Variants in ROBO1 observed in about 807,000 individuals in gnomAD.
ROBO1 encodes the protein roundabout guidance receptor 1, also known as roundabout homolog 1.
A neutral mutation model predicts 195.9 loss-of-function variants in ROBO1; 149 were observed. The ratio of observed to expected loss-of-function variants is 0.76; its 90% CI spans 0.67 to 0.87. The LOEUF (loss-of-function observed/expected upper bound fraction) is 0.87. Among genes scored for constraint, ROBO1 ranks in the 40% least tolerant of loss-of-function variants. The pLI is 0.00. For synonymous variants in ROBO1, 816 were observed against 733.2 expected, an observed-to-expected ratio of 1.11 and a Z score of -1.82; for missense variants, 1,933 against 2,068.3, an observed-to-expected ratio of 0.93 and a Z score of 1.27.
At chr3:79,744,923 TA>T (rs996851521) in intron 1 of ROBO1, among the ~76,000 whole-genome samples, 28 of 151,996 alleles carry the variant, frequency 1.8e-4, no homozygotes, top group African/African-American at 6.5e-4. Context: ...AATATATATA[TA>T]AAAACATATA....
intron 25 of ROBO1, among the ~76,000 whole-genome samples, chr3:78,628,483 T>C (rs1384035230): frequency 6.6e-6 from 1 of 152,170 alleles, no homozygotes; most frequent in East Asian, 1.9e-4. Flanking sequence ...GGAAGCACGA[T>C]GGATCTGGGG....
intron 3 of ROBO1, among the ~76,000 whole-genome samples, chr3:78,966,215 G>C (rs1314500717): frequency 6.6e-6 from 1 of 152,172 alleles, no homozygotes; most frequent in East Asian, 1.9e-4. Flanking sequence ...CTCTGTCTGT[G>C]GAAAAATTGT....
chr3:79,557,203 C>T (rs895580073), intron 2 of ROBO1, among the ~76,000 whole-genome samples: 4 of 151,812 alleles, frequency 2.6e-5, no homozygotes, highest in Middle Eastern at 7.0e-3. Flanking sequence ...TGTCTCGATA[C>T]CCATTATTTT....
intron 4 of ROBO1, among the ~76,000 whole-genome samples, chr3:78,903,314 A>C (rs1056833402): frequency 6.6e-6 from 1 of 152,038 alleles, no homozygotes; most frequent in African/African-American, 2.4e-5. Flanking sequence ...TAAACAATTA[A>C]ATACTTTTTC....
intron 2 of ROBO1, among the ~76,000 whole-genome samples, chr3:79,198,727 G>T (rs897703924): frequency 3.3e-5 from 5 of 152,068 alleles, no homozygotes; most frequent in African/African-American, 9.7e-5. Flanking sequence ...GCAGTGGTTT[G>T]TAGTTCTCCT....
intron 2 of ROBO1, among the ~76,000 whole-genome samples, chr3:79,136,823 G>C (rs898282427): frequency 1.3e-5 from 2 of 151,930 alleles, no homozygotes; most frequent in African/African-American, 4.8e-5. Context: ...TTATGTTATA[G>C]AGATTGAGAG....
chr3:78,629,096 T>C (rs1186469579), intron 25 of ROBO1, among the ~76,000 whole-genome samples: 4 of 151,944 alleles, frequency 2.6e-5, no homozygotes, highest in African/African-American at 9.7e-5. Flanking sequence ...CTCAGCTTCG[T>C]CTCGTTCCCT....
rs186881333 is a variant in ROBO1 at position 79,693,167 on chromosome 3, C to T, written c.-51+74585G>A. On this transcript the variant is annotated intron_variant, in intron 1 of 30. Transcript: ENST00000464233. ...CTAACCAAAGAAAATGATAAGTGTA[C>T]GAGATAATATATGTGTATTAATTAG... 4.2e-3 allele frequency among the ~76,000 whole-genome samples: 643 copies of T among 151,436 alleles called. 9 individuals are homozygous for T. The highest frequency in any genetic ancestry group is 0.015 in the African/African-American group (614 of 41,304).
intron 2 of ROBO1, among the ~76,000 whole-genome samples, chr3:79,519,646 A>G (rs1452651689): frequency 6.7e-6 from 1 of 149,226 alleles, no homozygotes; most frequent in Middle Eastern, 3.6e-3. Flanking sequence ...AAAAAAAAAA[A>G]AAAGAAAAGA....
In ROBO1 at chr3:78,798,087, G is replaced by A. The variant is rs567103313; in HGVS notation, c.500-51187C>T. ...CAGTATAAAGAAGATATTTTATTTAGAAAACACACTATAAAGTTCATATGG... is the reference window on the plus strand; with the variant it reads ...CAGTATAAAGAAGATATTTTATTTAAAAAACACACTATAAAGTTCATATGG... On this transcript the variant is annotated intron_variant, in intron 4 of 30. Coordinates refer to ENST00000464233, the MANE Select transcript of ROBO1 (RefSeq NM_002941.4). 2.0e-5 allele frequency among the ~76,000 whole-genome samples: 3 copies of A among 152,206 alleles called. No homozygotes were observed. The South Asian group carries it at 6.2e-4, about 32-fold the overall frequency.
intron 2 of ROBO1, among the ~76,000 whole-genome samples, chr3:79,183,694 G>A (rs1348301757): frequency 2.0e-5 from 3 of 152,216 alleles, no homozygotes; most frequent in Non-Finnish European, 4.4e-5. Flanking sequence ...TAATGCAGTC[G>A]GTTAGTGGCA....
chr3:78,900,614 C>A (rs1576368788), intron 4 of ROBO1, among the ~76,000 whole-genome samples: 1 of 152,124 alleles, frequency 6.6e-6, no homozygotes, highest in African/African-American at 2.4e-5. Flanking sequence ...GAAAAACATT[C>A]CATTCCTTTA....
intron 2 of ROBO1, among the ~76,000 whole-genome samples, chr3:79,577,966 T>C: frequency 6.6e-6 from 1 of 151,594 alleles, no homozygotes; most frequent in Non-Finnish European, 1.5e-5. Flanking sequence ...TCTTAATAAG[T>C]AGACAACCAA....
chr3:79,379,895 A>G (rs1399600780), intron 2 of ROBO1, among the ~76,000 whole-genome samples: 1 of 152,234 alleles, frequency 6.6e-6, no homozygotes, highest in Non-Finnish European at 1.5e-5. Context: ...GGTTTTAGCA[A>G]GCACTCAAGG....
intron 4 of ROBO1, among the ~76,000 whole-genome samples, chr3:78,906,597 T>C (rs1388013287): frequency 2.0e-5 from 3 of 152,126 alleles, no homozygotes; most frequent in Admixed American, 6.6e-5. Flanking sequence ...TACATCATTA[T>C]TCTAACAAAG....
At chr3:78,941,495 T>C (rs2040140586) in intron 3 of ROBO1, among the ~76,000 whole-genome samples, 1 of 152,222 alleles carries the variant, frequency 6.6e-6, no homozygotes, top group South Asian at 2.1e-4. Context: ...ATTTATTTAA[T>C]TAAAGCAACT....
At chr3:79,673,656 T>C (rs12490527) in intron 1 of ROBO1, among the ~76,000 whole-genome samples, 3,461 of 152,082 alleles carry the variant, frequency 0.023, 59 homozygotes, top group South Asian at 0.045. Flanking sequence ...AAAATTTGGT[T>C]CTTTATTTTT....
chr3:78,752,530 C>T (rs1309207206), intron 4 of ROBO1, among the ~76,000 whole-genome samples: 1 of 152,110 alleles, frequency 6.6e-6, no homozygotes, highest in Non-Finnish European at 1.5e-5. Context: ...TTCAGTCTTA[C>T]TTTTTAGCTG....
At chr3:78,921,953 T>G (rs907290823) in intron 4 of ROBO1, among the ~76,000 whole-genome samples, 5 of 152,028 alleles carry the variant, frequency 3.3e-5, no homozygotes, top group Non-Finnish European at 5.9e-5. Context: ...TGCCCAGCTA[T>G]TTTTTCTTAT....
Sources: allele counts gnomAD v4.1 joint callset (sites outside exome capture counted in the v4.1 genomes callset), GRCh38; gene constraint gnomAD v4.1.1; transcripts MANE v1.5; gene names NCBI Gene and HGNC (gene_info 2026-07-23, HGNC 2026-07-21).